The following VPS37A variants were observed in gnomAD, a reference collection of about 807,000 sequenced individuals.
VPS37A encodes the protein VPS37A subunit of ESCRT-I.
In VPS37A, 30 loss-of-function variants were observed where a neutral mutation model predicts 49.8. That is an observed-to-expected ratio of 0.60 (90% confidence interval 0.45 to 0.82). The LOEUF (loss-of-function observed/expected upper bound fraction) is 0.82, where lower values mean the gene tolerates loss of function less well. Ranked by LOEUF, VPS37A falls within the 40% of genes least tolerant of loss-of-function variation. The pLI, the probability that VPS37A is intolerant of heterozygous loss-of-function variation, is 0.00. For missense variants in VPS37A, 593 were observed against 464.4 expected (o/e 1.28, Z -2.55); for synonymous variants, 195 against 160.6 (o/e 1.21, Z -1.62).
At chr8:17,324,587 G>C in the VPS37A span, among the ~76,000 whole-genome samples, 21 of 152,330 alleles carry the variant, frequency 1.4e-4, no homozygotes, top group African/African-American at 4.6e-4. Context: ...TACAACACCA[G>C]AGAGGCAAAA....
chr8:17,291,430 A>ATTTTTTTTTTTTT (rs34051181), intron 11 of VPS37A, among the ~76,000 whole-genome samples: 1 of 129,032 alleles, frequency 7.8e-6, no homozygotes, highest in Non-Finnish European at 1.6e-5. Context: ...GGATTCATTG[A>ATTTTTTTTTTTTT]TTTTTTTTTT....
At chr8:17,314,187 T>TA in the VPS37A span, among the ~76,000 whole-genome samples, 1 of 152,200 alleles carries the variant, frequency 6.6e-6, no homozygotes, top group African/African-American at 2.4e-5. Context: ...ATATCACAAA[T>TA]ACGGCAATCC....
intron 1 of VPS37A, among the ~76,000 whole-genome samples, chr8:17,261,155 T>C (rs910175675): frequency 3.9e-5 from 6 of 152,214 alleles, no homozygotes; most frequent in Non-Finnish European, 5.9e-5. Context: ...TGGTCTTCAT[T>C]TCTTTTCAGT....
intron 1 of VPS37A, among the ~76,000 whole-genome samples, chr8:17,257,639 T>TA (rs913245146): frequency 7.9e-5 from 12 of 152,294 alleles, no homozygotes; most frequent in African/African-American, 1.4e-4. Flanking sequence ...GTATAATTTG[T>TA]AAAAAAATTG....
chr8:17,281,790 C>T (rs1243600335), intron 9 of VPS37A, among the ~76,000 whole-genome samples: 2 of 151,996 alleles, frequency 1.3e-5, no homozygotes, highest in Non-Finnish European at 2.9e-5. Flanking sequence ...CAGAAAACAA[C>T]TCATTTACCA....
At chr8:17,272,631 A>G (rs938717036) in intron 4 of VPS37A, among the ~76,000 whole-genome samples, 3 of 152,224 alleles carry the variant, frequency 2.0e-5, no homozygotes, top group African/African-American at 7.2e-5. Context: ...ATTTAAATTC[A>G]AAGATATTAC....
At chr8:17,302,339 C>G (rs1166436817), downstream of VPS37A, 2 of 1,550,730 alleles carry the variant, frequency 1.3e-6, no homozygotes, top group Admixed American at 2.0e-5. Flanking sequence ...AATTCACATC[C>G]TCAAGTCTTC....
At chr8:17,290,596 A>T (rs1816050411) in intron 11 of VPS37A, among the ~76,000 whole-genome samples, 1 of 152,050 alleles carries the variant, frequency 6.6e-6, no homozygotes, top group Admixed American at 6.5e-5. Context: ...ATTAATGAGG[A>T]TTTTCGCATT....
At chr8:17,270,936 A>G (rs995987329) in intron 4 of VPS37A, among the ~76,000 whole-genome samples, 6 of 152,190 alleles carry the variant, frequency 3.9e-5, no homozygotes, top group Non-Finnish European at 8.8e-5. Context: ...GGAATTAAAG[A>G]GACAAGGTAG....
At position 17,247,263 on chromosome 8, in the gene VPS37A, C is replaced by G. The variant is rs774257401; in HGVS notation, c.19C>G (p.Leu7Val). MSWLFP[L>V]TKSASSSAAG... is the part of the protein sequence containing the mutation. ...GAGGAGGATGAGCTGGCTTTTTCCC[C>G]TGACCAAGAGCGCCTCCTCCTCCGC... Residue 7 changes from leucine to valine, a missense_variant, in exon 1 of 12, where the codon CTG becomes GTG. Transcript: ENST00000324849. 3 of 1,571,340 alleles carry G rather than the reference C, an allele frequency of 1.9e-6. No individual in the cohort carries two copies. The highest frequency in any genetic ancestry group is 2.3e-5 in the South Asian group (2 of 85,534).
chr8:17,285,883 G>T (rs551686597), intron 10 of VPS37A, among the ~76,000 whole-genome samples: 1 of 152,150 alleles, frequency 6.6e-6, no homozygotes. Flanking sequence ...GCTTGTAGGC[G>T]AAGGCTGTCT....
intron 11 of VPS37A, among the ~76,000 whole-genome samples, chr8:17,290,436 A>G (rs1816029767): frequency 6.6e-6 from 1 of 152,078 alleles, no homozygotes. Context: ...CTATGAGATA[A>G]TTGTGGTTTT....
chr8:17,327,022 A>T, the VPS37A span, among the ~76,000 whole-genome samples: 1 of 152,248 alleles, frequency 6.6e-6, no homozygotes, highest in Admixed American at 6.5e-5. Context: ...CTTTCTTCAG[A>T]CATATGATTT....
intron 9 of VPS37A, among the ~76,000 whole-genome samples, chr8:17,283,631 G>A (rs1266249086): frequency 6.6e-6 from 1 of 152,070 alleles, no homozygotes; most frequent in Non-Finnish European, 1.5e-5. Context: ...AACTGGACTG[G>A]GCTCCCTGGT....
At chr8:17,279,951 G>A (rs553867011) in intron 6 of VPS37A, 77 bp from the exon 7 acceptor site, 3 of 1,593,880 alleles carry the variant, frequency 1.9e-6, no homozygotes, top group African/African-American at 1.3e-5. Flanking sequence ...AACTAAAGCT[G>A]AAAAATTGTA....
intron 1 of VPS37A, among the ~76,000 whole-genome samples, chr8:17,262,855 G>A (rs968794897): frequency 1.3e-5 from 2 of 152,040 alleles, no homozygotes; most frequent in African/African-American, 4.8e-5. Context: ...GAGGTCAAGA[G>A]ATTGAGATCA....
chr8:17,323,990 A>G, the VPS37A span, among the ~76,000 whole-genome samples: 1 of 152,204 alleles, frequency 6.6e-6, no homozygotes, highest in African/African-American at 2.4e-5. Flanking sequence ...GCTGAGAGAA[A>G]TATAACTACT....
intron 1 of VPS37A, among the ~76,000 whole-genome samples, chr8:17,249,687 G>A (rs1216511294): frequency 6.6e-6 from 1 of 152,126 alleles, no homozygotes; most frequent in African/African-American, 2.4e-5. Context: ...TGTCTGTATG[G>A]TATCTGATGT....
intron 1 of VPS37A, among the ~76,000 whole-genome samples, chr8:17,254,019 G>T (rs926785891): frequency 9.2e-5 from 14 of 152,028 alleles, no homozygotes; most frequent in African/African-American, 3.1e-4. Flanking sequence ...GTCTTTTGTT[G>T]TTCTGATATT....
Sources: gnomAD v4.1 joint callset for allele counts (sites outside exome capture counted in the v4.1 genomes callset) on GRCh38, gnomAD v4.1.1 for gene constraint, MANE v1.5 for transcripts, NCBI Gene and HGNC (gene_info 2026-07-23, HGNC 2026-07-21) for gene names.